The following SHISA6 variants were observed in gnomAD, a reference collection of about 807,000 sequenced individuals.
SHISA6 encodes the protein protein shisa-6.
Under a neutral mutation model 47.9 loss-of-function variants are expected in SHISA6, and 22 were observed. The observed-to-expected ratio is 0.46, with a 90% CI of 0.33 to 0.66. SHISA6 has a LOEUF of 0.66. SHISA6 is among the 30% of genes least tolerant of loss of function. SHISA6 has a pLI of 0.02. For missense variants in SHISA6, 680 were observed against 764.6 expected, an observed-to-expected ratio of 0.89 and a Z score of 1.30; for synonymous variants, 388 against 337.8, an observed-to-expected ratio of 1.15 and a Z score of -1.63.
intron 2 of SHISA6, among the ~76,000 whole-genome samples, chr17:11,321,050 G>A (rs1055855419): frequency 5.3e-5 from 8 of 152,092 alleles, no homozygotes; most frequent in Non-Finnish European, 7.4e-5. Flanking sequence ...ACAAAGTGGC[G>A]TATATTTTTC....
intron 2 of SHISA6, among the ~76,000 whole-genome samples, chr17:11,332,594 G>C (rs1460092883): frequency 6.6e-6 from 1 of 152,142 alleles, no homozygotes; most frequent in Non-Finnish European, 1.5e-5. Context: ...AGAACCGTGA[G>C]CCTGTCTCCC....
intron 2 of SHISA6, among the ~76,000 whole-genome samples, chr17:11,376,731 C>A (rs1912814613): frequency 6.6e-6 from 1 of 152,146 alleles, no homozygotes; most frequent in African/African-American, 2.4e-5. Flanking sequence ...GACCCTGGGT[C>A]CAGCAGAAGA....
chr17:11,469,736 G>A (rs1915894215), intron 3 of SHISA6, among the ~76,000 whole-genome samples: 1 of 152,088 alleles, frequency 6.6e-6, no homozygotes, highest in African/African-American at 2.4e-5. Flanking sequence ...TCCAGCTCCA[G>A]ACTGGAGCAT....
intron 2 of SHISA6, among the ~76,000 whole-genome samples, chr17:11,351,293 G>T (rs1911882089): frequency 6.6e-6 from 1 of 152,116 alleles, no homozygotes; most frequent in African/African-American, 2.4e-5. Flanking sequence ...ATGTATCCCA[G>T]AACTTAAAGT....
chr17:11,473,748 T>A (rs1012846474), intron 3 of SHISA6, among the ~76,000 whole-genome samples: 3 of 152,228 alleles, frequency 2.0e-5, no homozygotes, highest in Non-Finnish European at 4.4e-5. Flanking sequence ...TTTCTCCTTT[T>A]TTTGTATTTT....
intron 3 of SHISA6, among the ~76,000 whole-genome samples, chr17:11,398,568 G>A (rs367598063): frequency 4.8e-4 from 73 of 152,018 alleles, no homozygotes; most frequent in Non-Finnish European, 9.0e-4. Context: ...TCCGCATTCC[G>A]ACAGTAGGTT....
chr17:11,272,445 G>A lies in SHISA6; in HGVS notation c.799+8919G>A, dbSNP rs116780080. On this transcript the variant is annotated intron_variant, in intron 2 of 5. Transcript: ENST00000441885. ...CGTCCTTGCAGAGAGGCAGTGGAGC[G>A]GGCTGACTAGGACTGTTGGCCCCAG... Among the ~76,000 whole-genome samples the A allele has an allele frequency of 8.9e-3, 1,360 of 152,264 alleles. 24 individuals carry two copies. The highest frequency in any genetic ancestry group is 0.031 in the African/African-American group (1,297 of 41,548).
At position 11,351,648 on chromosome 17, in the gene SHISA6, T is replaced by G. The variant is rs114149240; in HGVS notation, c.800-27766T>G. 6.4e-3 allele frequency among the ~76,000 whole-genome samples: 973 copies of G among 152,390 alleles called. 13 individuals carry two copies. Among genetic ancestry groups the G allele is most frequent in the African/African-American group, 0.022 (913 of 41,596 alleles). ...TTGCACATCTCTATTTGTATTAGTC[T>G]GTGAGATCCGTGAGAAAAGAAACTA... On this transcript the variant is annotated intron_variant, in intron 2 of 5. Transcript: ENST00000441885.
chr17:11,369,754 G>A (rs1013446151), intron 2 of SHISA6, among the ~76,000 whole-genome samples: 1 of 152,200 alleles, frequency 6.6e-6, no homozygotes, highest in Admixed American at 6.5e-5. Flanking sequence ...CAATGCAACA[G>A]CTCTGGGATG....
chr17:11,359,995 T>A (rs1456451011), intron 2 of SHISA6, among the ~76,000 whole-genome samples: 3 of 152,222 alleles, frequency 2.0e-5, no homozygotes, highest in African/African-American at 4.8e-5. Flanking sequence ...TAAATCATTC[T>A]ACTATAAAGA....
rs114198202 is a variant in SHISA6 at position 11,377,996 on chromosome 17, G to A, written c.800-1418G>A. Among the ~76,000 whole-genome samples, 972 of 152,268 alleles carry A rather than the reference G, an allele frequency of 6.4e-3. 13 individuals carry two copies. Among genetic ancestry groups the A allele is most frequent in the African/African-American group, 0.022 (906 of 41,556 alleles). On this transcript the variant is annotated intron_variant, in intron 2 of 5. Transcript: ENST00000441885. ...GGTGGTTTGCTGTACCGGTCAACCC[G>A]TCGTCTAGGTTTTAAGCCCCACATG...
chr17:11,497,914 A>G (rs16944886), intron 3 of SHISA6, among the ~76,000 whole-genome samples: 2,053 of 152,278 alleles, frequency 0.013, 47 homozygotes, highest in African/African-American at 0.046. Context: ...AGTCATGGCT[A>G]TACCTACTCC....
chr17:11,252,334 C>G (rs1907845128), intron 1 of SHISA6, among the ~76,000 whole-genome samples: 1 of 152,180 alleles, frequency 6.6e-6, no homozygotes, highest in Admixed American at 6.5e-5. Flanking sequence ...GCATTAAAGT[C>G]TCATTACTCA....
chr17:11,497,948 AGCAGGT>A (rs1274623446), intron 3 of SHISA6, among the ~76,000 whole-genome samples: 3 of 152,172 alleles, frequency 2.0e-5, no homozygotes, highest in Non-Finnish European at 2.9e-5. Flanking sequence ...AGACCTTGAG[AGCAGGT>A]ATTGGGTTCT....
intron 2 of SHISA6, among the ~76,000 whole-genome samples, chr17:11,350,767 A>G (rs969314889): frequency 2.0e-5 from 3 of 152,178 alleles, no homozygotes; most frequent in Admixed American, 1.3e-4. Context: ...ATTCCTTACT[A>G]GTTTCATACT....
chr17:11,315,856 A>G (rs1471648463), intron 2 of SHISA6, among the ~76,000 whole-genome samples: 6 of 152,170 alleles, frequency 3.9e-5, no homozygotes, highest in African/African-American at 4.8e-5. Context: ...TAGAGTTCTG[A>G]GATTTCCCTT....
intron 3 of SHISA6, among the ~76,000 whole-genome samples, chr17:11,406,695 C>A (rs1039011856): frequency 3.3e-5 from 5 of 152,214 alleles, no homozygotes; most frequent in African/African-American, 9.6e-5. Flanking sequence ...AACAGAGCAG[C>A]AGGTTACATG....
intron 3 of SHISA6, among the ~76,000 whole-genome samples, chr17:11,488,545 A>G (rs1005124554): frequency 2.0e-5 from 3 of 152,156 alleles, no homozygotes; most frequent in Non-Finnish European, 2.9e-5. Flanking sequence ...TTTACTACAA[A>G]TGCTTGGAGT....
chr17:11,455,193 C>CAAAA (rs370108497), intron 3 of SHISA6, among the ~76,000 whole-genome samples: 3 of 147,536 alleles, frequency 2.0e-5, no homozygotes, highest in Non-Finnish European at 4.4e-5. Context: ...AACAAACAAA[C>CAAAA]AAAAAAAACA....
Sources: gnomAD v4.1 joint callset for allele counts (sites outside exome capture counted in the v4.1 genomes callset) on GRCh38, gnomAD v4.1.1 for gene constraint, MANE v1.5 for transcripts, NCBI Gene and HGNC (gene_info 2026-07-23, HGNC 2026-07-21) for gene names.